Variants in ING3 observed in about 807,000 individuals in gnomAD.
ING3 encodes the protein inhibitor of growth family member 3.
ING3 carries 6 observed loss-of-function variants against 64.8 expected under a neutral mutation model. The ratio of observed to expected loss-of-function variants is 0.09; its 90% CI spans 0.05 to 0.18. ING3 has a LOEUF of 0.18. Ranked by LOEUF, ING3 falls within the 10% of genes least tolerant of loss-of-function variation. The pLI is 1.00. For synonymous variants in ING3, 170 were observed against 173.7 expected (o/e 0.98, Z 0.17); for missense variants, 310 against 489.7 (o/e 0.63, Z 3.46).
At chr7:120,968,164 G>T in intron 8 of ING3, 73 bp downstream of exon 8, 2 of 1,292,632 alleles carry the variant, frequency 1.5e-6, no homozygotes, top group Non-Finnish European at 2.1e-6. Flanking sequence ...AGAAATAACG[G>T]GATGTGAACA....
At chr7:120,973,098 C>T in intron 10 of ING3, 107 bp from the exon 11 acceptor site, 1 of 500,074 alleles carries the variant, frequency 2.0e-6, no homozygotes, top group Non-Finnish European at 3.8e-6. Context: ...ATTGTATATT[C>T]AGTGTATTTC....
In ING3 at chr7:120,969,178, C is replaced by T. The variant is rs553130683; in HGVS notation, c.882C>T (p.Ala294=). ...TLTQNASSSA[A]DSRSGRKSKN... is the part of the protein sequence containing the mutation. Reference sequence around the variant, plus strand: ...CACAGAATGCCAGTTCATCAGCAGCCGACTCACGGAGTGGTCGAAAGAGCA... The same window carrying T: ...CACAGAATGCCAGTTCATCAGCAGCTGACTCACGGAGTGGTCGAAAGAGCA... The change falls in exon 9 of 12, where the codon GCC becomes GCT. Residue 294 remains alanine (A), a synonymous_variant. Coordinates refer to ENST00000315870, the MANE Select transcript of ING3 (RefSeq NM_019071.3). 29 of 1,613,644 alleles carry T rather than the reference C, an allele frequency of 1.8e-5. No homozygotes were observed. The highest frequency in any genetic ancestry group is 9.9e-5 in the South Asian group (9 of 91,024).
intron 4 of ING3, chr7:120,956,702 G>T (rs1476778595): frequency 3.1e-6 from 3 of 979,774 alleles, no homozygotes; most frequent in African/African-American, 1.8e-5. Flanking sequence ...AAAAAAAAAG[G>T]TCTTAATTGT....
Position 120,976,365 on chromosome 7 carries a change from A to G in ING3, c.*1521A>G, listed in dbSNP as rs1207389226. 6.6e-6 allele frequency: 1 copy of G among 152,110 alleles called. No homozygotes were observed. Among genetic ancestry groups the G allele is most frequent in the East Asian group, 1.9e-4 (1 of 5,182 alleles). The allele number at this position is 152,110 out of a possible 1,614,324, so 9.4% of individuals were successfully genotyped here. Reference sequence around the variant, plus strand: ...GCTACCCAAAGGGTGTGAGGTAGATAGGGGATTTCAAAGATCTCTTCCACC... The same window carrying G: ...GCTACCCAAAGGGTGTGAGGTAGATGGGGGATTTCAAAGATCTCTTCCACC... On this transcript the variant is annotated 3_prime_UTR_variant, in exon 12 of 12. Transcript: ENST00000315870.
At chr7:120,964,656 A>C in intron 4 of ING3, 86 bp from the exon 5 acceptor site, 1 of 1,009,416 alleles carries the variant, frequency 9.9e-7, no homozygotes, top group Non-Finnish European at 1.6e-6. Context: ...TCACTAAAAG[A>C]AACAAAAATT....
intron 4 of ING3, among the ~76,000 whole-genome samples, chr7:120,963,566 C>G (rs1467940290): frequency 7.9e-5 from 12 of 151,998 alleles, no homozygotes; most frequent in Admixed American, 2.6e-4. Flanking sequence ...AGCTATATGA[C>G]CTTGGGCATA....
In ING3 at chr7:120,970,756, C is replaced by G; in HGVS notation, c.977C>G (p.Ser326Cys). ...SSSSSSLSSC[S>C]SSSTVVQEIS... ...TCCTCTTCTTCCTTATCATCGTGTTCTTCATCATCAACTGTTGTACAAGAA... is the reference window on the plus strand; with the variant it reads ...TCCTCTTCTTCCTTATCATCGTGTTGTTCATCATCAACTGTTGTACAAGAA... Residue 326 changes from serine to cysteine, a missense_variant, in exon 10 of 12, where the codon TCT (serine) becomes TGT (cysteine). Transcript: ENST00000315870. 2 of 1,613,172 alleles carry G rather than the reference C, an allele frequency of 1.2e-6. No individual in the cohort carries two copies. Among genetic ancestry groups the G allele is most frequent in the Non-Finnish European group, 1.7e-6 (2 of 1,179,214 alleles).
chr7:120,958,554 T>C (rs1465492436), intron 4 of ING3, among the ~76,000 whole-genome samples: 3 of 152,200 alleles, frequency 2.0e-5, no homozygotes, highest in African/African-American at 4.8e-5. Context: ...CGTCTACACT[T>C]CCTCCTATTT....
At chr7:120,963,926 A>G (rs550224056) in intron 4 of ING3, among the ~76,000 whole-genome samples, 1 of 152,258 alleles carries the variant, frequency 6.6e-6, no homozygotes, top group East Asian at 1.9e-4. Flanking sequence ...TGACATGAAT[A>G]TTTTTCAAAG....
At chr7:120,970,553 G>A in intron 9 of ING3, 135 bp from the exon 10 acceptor site, 2 of 830,046 alleles carry the variant, frequency 2.4e-6, no homozygotes, top group Admixed American at 5.6e-5. Flanking sequence ...TTAAGTCATT[G>A]GTAAATCCGG....
At chr7:120,954,579 C>T (rs1795817272) in intron 3 of ING3, among the ~76,000 whole-genome samples, 1 of 151,942 alleles carries the variant, frequency 6.6e-6, no homozygotes, top group Admixed American at 6.6e-5. Context: ...CAGAAGTGGT[C>T]CTAGCTTGGA....
intron 10 of ING3, among the ~76,000 whole-genome samples, chr7:120,971,938 A>C (rs1245605142): frequency 6.6e-6 from 1 of 152,106 alleles, no homozygotes; most frequent in Non-Finnish European, 1.5e-5. Flanking sequence ...AAAACTAAGT[A>C]CCAATTTGGT....
At chr7:120,951,116 G>T (rs1293544797) in intron 1 of ING3, 48 bp from the exon 2 acceptor site, 2 of 1,597,976 alleles carry the variant, frequency 1.3e-6, no homozygotes, top group Admixed American at 1.7e-5. Context: ...ACGTAAGCGC[G>T]TATTTCGCCG....
chr7:120,969,137 C>A lies in ING3; in HGVS notation c.841C>A (p.Leu281Ile). The A allele has an allele frequency of 6.2e-7, 1 of 1,614,052 alleles. No individual in the cohort carries two copies. The highest frequency in any genetic ancestry group is 2.2e-5 in the East Asian group (1 of 44,862). Residue 281 changes from leucine to isoleucine, a missense_variant, in exon 9 of 12, where the codon CTT becomes ATT. Around this residue, in one of 3 missense-constraint regions of ING3, gnomAD observed 233 missense variants for 289.4 expected, o/e 0.81. Transcript: ENST00000315870. Reference sequence around the variant, plus strand: ...AGTTGGCTATTCATCATCTTCGGCACTTATGACAACATTAACACAGAATGC... The same window carrying A: ...AGTTGGCTATTCATCATCTTCGGCAATTATGACAACATTAACACAGAATGC... ...ETVGYSSSSALMTTLTQNASS... is the reference protein window; with the variant it reads ...ETVGYSSSSAIMTTLTQNASS...
chr7:120,974,493 C>T (rs1349222173), intron 11 of ING3, among the ~76,000 whole-genome samples: 2 of 152,154 alleles, frequency 1.3e-5, no homozygotes, highest in African/African-American at 4.8e-5. Flanking sequence ...GACTAGATTA[C>T]ATGGACCTCA....
Position 120,966,614 on chromosome 7 carries a change from CTCT to C in ING3, c.365-7_365-5del. 3 of 1,605,028 alleles carry C rather than the reference CTCT, an allele frequency of 1.9e-6. No homozygotes were observed. The South Asian group carries it at 3.3e-5, about 18-fold the overall frequency. On this transcript the variant is annotated splice_polypyrimidine_tract_variant and intron_variant, in intron 5 of 11. Transcript: ENST00000315870. ...TTAATGGTGGTGTATCTCTGTGCCT[CTCT>C]TCTTTTAGGATCTTTGGAATTAGAC...
At chr7:120,953,262 G>T in intron 2 of ING3, 42 bp from the exon 3 acceptor site, 1 of 1,169,852 alleles carries the variant, frequency 8.5e-7, no homozygotes, top group South Asian at 1.4e-5. Flanking sequence ...TTTAGTATAT[G>T]AATTTGGTCA....
chr7:120,955,755 T>C, intron 4 of ING3, 131 bp downstream of exon 4: 1 of 653,086 alleles, frequency 1.5e-6, no homozygotes, highest in Non-Finnish European at 2.7e-6. Context: ...TCACATCTAA[T>C]TTGACATTTC....
chr7:120,966,086 A>G (rs1795993168), intron 5 of ING3, among the ~76,000 whole-genome samples: 1 of 152,158 alleles, frequency 6.6e-6, no homozygotes, highest in Non-Finnish European at 1.5e-5. Flanking sequence ...AGAAAAATGT[A>G]TTTAGAGGTA....
Sources: gnomAD v4.1 joint callset for allele counts (sites outside exome capture counted in the v4.1 genomes callset) on GRCh38, gnomAD v4.1.1 for gene constraint, gnomAD v4.1.1 regional missense constraint, MANE v1.5 for transcripts, NCBI Gene and HGNC (gene_info 2026-07-23, HGNC 2026-07-21) for gene names.